The following PLG variants were observed in gnomAD, a reference collection of about 807,000 sequenced individuals.
PLG encodes the protein plasmin.
In PLG, 41 loss-of-function variants were observed where a neutral mutation model predicts 104.4. That is an observed-to-expected ratio of 0.39 (90% CI 0.31 to 0.51). PLG has a LOEUF of 0.51. Ranked by LOEUF, PLG falls within the 20% of genes least tolerant of loss-of-function variation. PLG has a pLI of 0.76. For missense variants in PLG, 891 were observed against 1,003.6 expected (o/e 0.89, Z 1.52); for synonymous variants, 337 against 357.1 (o/e 0.94, Z 0.63).
In PLG at chr6:160,723,314, C is replaced by T. The variant is rs963707779; in HGVS notation, c.1256+747C>T. On this transcript the variant is annotated intron_variant, in intron 10 of 18. Transcript: ENST00000308192. This position sits in a 1 kb window ranked among gnomAD's most constrained non-coding sequence, Gnocchi z 4.7. The stretch of plus-strand genomic sequence containing the variant: ...ACAGCGAAAGAGGCCATTAGATGAA[C>T]AGAAAACCAGGTCTAACAAGGACAG... 6.6e-6 allele frequency among the ~76,000 whole-genome samples: 1 copy of T among 152,064 alleles called. No individual in the cohort carries two copies. The highest frequency in any genetic ancestry group is 2.4e-5 in the African/African-American group (1 of 41,392).
intron 9 of PLG, among the ~76,000 whole-genome samples, chr6:160,721,556 A>C (rs561466916): frequency 6.6e-6 from 1 of 152,336 alleles, no homozygotes; most frequent in African/African-American, 2.4e-5. Context: ...GTTCCTATCC[A>C]TTCCCAGATT....
rs754112260 is a variant in PLG, at chr6:160,731,171, G to A, written c.1377G>A (p.Ala459=). The change falls in exon 11 of 19, where the codon GCG becomes GCA. Residue 459 remains alanine, a synonymous_variant. Coordinates refer to ENST00000308192, the MANE Select transcript of PLG (RefSeq NM_000301.5). The surrounding 1 kb of genome is among the most constrained non-coding windows in gnomAD (Gnocchi z 5.1). ...CNLKKCSGTE[A]SVVAPPPVVL... is the part of the protein sequence containing the mutation. ...TGAAAAAATGCTCAGGAACAGAAGC[G>A]AGTGTTGTAGCACCTCCGCCTGTTG... 1.1e-5 allele frequency: 18 copies of A among 1,614,120 alleles called. No individual in the cohort carries two copies. The South Asian group carries it at 1.2e-4, about 11-fold the overall frequency.
Position 160,731,795 on chromosome 6 carries a change from G to C in PLG, c.1489G>C (p.Val497Leu). The stretch of plus-strand genomic sequence containing the variant: ...ATACCGAGGCAAGAGGGCGACCACT[G>C]TTACTGGGACGCCATGCCAGGACTG... Reference protein sequence around the residue: ...KGYRGKRATTVTGTPCQDWAA... With the variant: ...KGYRGKRATTLTGTPCQDWAA... The change falls in exon 12 of 19, where the codon GTT becomes CTT. Residue 497 changes from valine to leucine, a missense_variant. Coordinates refer to ENST00000308192, the MANE Select transcript of PLG (RefSeq NM_000301.5). The surrounding 1 kb of genome is among the most constrained non-coding windows in gnomAD (Gnocchi z 5.1). 1.2e-6 allele frequency: 2 copies of C among 1,613,668 alleles called. No homozygotes were observed. Among genetic ancestry groups the C allele is most frequent in the Non-Finnish European group, 1.7e-6 (2 of 1,179,606 alleles).
chr6:160,718,305 C>T lies in PLG; in HGVS notation c.799C>T (p.Pro267Ser), dbSNP rs1777775360. The change falls in exon 8 of 19, where the codon CCA becomes TCA. Residue 267 changes from proline to serine, a missense_variant. This residue lies in a region of PLG where 854 missense variants were observed against 932.1 expected (regional missense o/e 0.92). Coordinates refer to ENST00000308192, the MANE Select transcript of PLG (RefSeq NM_000301.5). ...TTTGCCCATTCAAGCAACACCTCCACCATCTTCTGGTCCCACCTACCAGTG... is the reference window on the plus strand; with the variant it reads ...TTTGCCCATTCAAGCAACACCTCCATCATCTTCTGGTCCCACCTACCAGTG... ...CDIPRCTTPPPSSGPTYQCLK... is the reference protein window; with the variant it reads ...CDIPRCTTPPSSSGPTYQCLK... The T allele has an allele frequency of 6.2e-7, 1 of 1,613,712 alleles. No individual in the cohort carries two copies. Among genetic ancestry groups the T allele is most frequent in the Non-Finnish European group, 8.5e-7 (1 of 1,179,572 alleles).
At chr6:160,703,886 G>T (rs1240630707) in intron 1 of PLG, among the ~76,000 whole-genome samples, 1 of 152,220 alleles carries the variant, frequency 6.6e-6, no homozygotes, top group Non-Finnish European at 1.5e-5. Context: ...TGGAAAGCCA[G>T]GTTTTCTGTG....
chr6:160,732,805 C>G lies in PLG; in HGVS notation c.1587+912C>G, dbSNP rs1049009422. On this transcript the variant is annotated intron_variant, in intron 12 of 18. Transcript: ENST00000308192. This position sits in a 1 kb window ranked among gnomAD's most constrained non-coding sequence, Gnocchi z 4.5. ...TGAGAAGGGGCTCAGAGTTTCCATG[C>G]CCTCTCCAGTGCACCAGCCCCCGGT... 3.9e-5 allele frequency among the ~76,000 whole-genome samples: 6 copies of G among 152,160 alleles called. No homozygotes were observed. The highest frequency in any genetic ancestry group is 6.5e-5 in the Admixed American group (1 of 15,282).
chr6:160,739,110 C>G lies in PLG; in HGVS notation c.1920C>G (p.His640Gln), dbSNP rs1487865275. 11 of 1,613,976 alleles carry G rather than the reference C, an allele frequency of 6.8e-6. No homozygotes were observed. The highest frequency in any genetic ancestry group is 1.3e-5 in the African/African-American group (1 of 74,890). The part of the protein sequence containing the change: ...PSSYKVILGA[H>Q]QEVNLEPHVQ... The stretch of plus-strand genomic sequence containing the variant: ...CCTACAAGGTCATCCTGGGTGCACA[C>G]CAAGAAGTGAATCTCGAACCGCATG... The change falls in exon 16 of 19, where the codon CAC becomes CAG. Residue 640 changes from histidine (H) to glutamine (Q), a missense_variant. Coordinates refer to ENST00000308192, the MANE Select transcript of PLG (RefSeq NM_000301.5). The surrounding 1 kb of genome is among the most constrained non-coding windows in gnomAD (Gnocchi z 4.4).
intron 6 of PLG, 109 bp from the exon 7 acceptor site, chr6:160,716,536 G>GCC (rs1777734674): frequency 5.2e-6 from 4 of 767,112 alleles, no homozygotes; most frequent in South Asian, 1.4e-5. Context: ...CCTCCTCCAT[G>GCC]CCCGACTGTG....
chr6:160,731,728 AT>A lies in PLG; in HGVS notation c.1439-11del. On this transcript the variant is annotated splice_polypyrimidine_tract_variant and intron_variant, in intron 11 of 18. Transcript: ENST00000308192. The surrounding 1 kb of genome is among the most constrained non-coding windows in gnomAD (Gnocchi z 5.1). ...TCTCTGTGGCTCTTCATAATCATCC[AT>A]TTTTTCCCTGTACAGACTGTATGTT... 3.7e-6 allele frequency: 6 copies of A among 1,612,548 alleles called. No individual in the cohort carries two copies. Among genetic ancestry groups the A allele is most frequent in the Non-Finnish European group, 4.2e-6 (5 of 1,178,970 alleles).
rs1418553769 is a variant in PLG, at chr6:160,731,597, G to A, written c.1439-148G>A. The A allele has an allele frequency of 1.3e-6, 1 of 760,990 alleles. No individual in the cohort carries two copies. Among genetic ancestry groups the A allele is most frequent in the Non-Finnish European group, 2.3e-6 (1 of 432,286 alleles). 47.1% of individuals were successfully genotyped at this position (760,990 alleles called of 1,614,324 possible). A position where few individuals can be genotyped will look rare whatever the true frequency, so the allele number is the denominator to read the frequency against. On this transcript the variant is annotated intron_variant, in intron 11 of 18. Transcript: ENST00000308192. This position sits in a 1 kb window ranked among gnomAD's most constrained non-coding sequence, Gnocchi z 5.1. Reference sequence around the variant, plus strand: ...CTCCAGTAATTTCTTAAGGTAGGCAGCGTTCATTGCAGTCTTCAGCATTGC... The same window carrying A: ...CTCCAGTAATTTCTTAAGGTAGGCAACGTTCATTGCAGTCTTCAGCATTGC...
chr6:160,742,873 C>A (rs781738898), intron 17 of PLG, among the ~76,000 whole-genome samples: 4 of 152,164 alleles, frequency 2.6e-5, no homozygotes, highest in African/African-American at 7.2e-5. Context: ...TATGGCTAGC[C>A]AGTTACCCCA....
In PLG at chr6:160,723,749, C is replaced by T. The variant is rs1476688433; in HGVS notation, c.1256+1182C>T. On this transcript the variant is annotated intron_variant, in intron 10 of 18. Transcript: ENST00000308192. The surrounding 1 kb of genome is among the most constrained non-coding windows in gnomAD (Gnocchi z 4.7). ...ACAGCTACTGGGGAAAGAAAAACTGCAGGGGAACAGTGAGCTCAATGGAGA... is the reference window on the plus strand; with the variant it reads ...ACAGCTACTGGGGAAAGAAAAACTGTAGGGGAACAGTGAGCTCAATGGAGA... 6.6e-6 allele frequency among the ~76,000 whole-genome samples: 1 copy of T among 152,110 alleles called. No homozygotes were observed. The highest frequency in any genetic ancestry group is 2.4e-5 in the African/African-American group (1 of 41,418).
Position 160,752,789 on chromosome 6 carries a change from T to C in PLG, c.2272-111T>C. 7.5e-7 allele frequency: 1 copy of C among 1,330,934 alleles called. No homozygotes were observed. Among genetic ancestry groups the C allele is most frequent in the Non-Finnish European group, 1.1e-6 (1 of 926,580 alleles). 82.4% of individuals were successfully genotyped at this position (1,330,934 alleles called of 1,614,324 possible). ...TGAGTAATATGCTCATAAGTTCCTT[T>C]CTGATTTCAATTACTGGGAAAATGT... On this transcript the variant is annotated intron_variant, in intron 18 of 18. Coordinates refer to ENST00000308192, the MANE Select transcript of PLG (RefSeq NM_000301.5). The surrounding 1 kb of genome is among the most constrained non-coding windows in gnomAD (Gnocchi z 4.7).
At position 160,740,576 on chromosome 6, in the gene PLG, G is replaced by A. The variant is rs1239645797; in HGVS notation, c.2019-735G>A. Among the ~76,000 whole-genome samples the A allele has an allele frequency of 1.3e-5, 2 of 152,172 alleles. No individual in the cohort carries two copies. The highest frequency in any genetic ancestry group is 4.8e-5 in the African/African-American group (2 of 41,440). ...CTGATGATGCTCAGAAGCAGAAAGT[G>A]TGCCTGCTTCAAAGTTGGTGACGAT... On this transcript the variant is annotated intron_variant, in intron 16 of 18. Coordinates refer to ENST00000308192, the MANE Select transcript of PLG (RefSeq NM_000301.5). This position sits in a 1 kb window ranked among gnomAD's most constrained non-coding sequence, Gnocchi z 5.2.
At chr6:160,715,902 A>G (rs1203739979) in intron 6 of PLG, among the ~76,000 whole-genome samples, 1 of 152,248 alleles carries the variant, frequency 6.6e-6, no homozygotes, top group Non-Finnish European at 1.5e-5. Context: ...AGCATTTACA[A>G]TCAGAGAGGG....
Position 160,711,061 on chromosome 6 carries a change from G to A in PLG, c.293-16G>A. The stretch of plus-strand genomic sequence containing the variant: ...TCTTGTGAAAGACTTTGACCACTGT[G>A]TGGACTTCCCTTCAGTGTATCTCTC... On this transcript the variant is annotated splice_polypyrimidine_tract_variant and intron_variant, in intron 3 of 18. Coordinates refer to ENST00000308192, the MANE Select transcript of PLG (RefSeq NM_000301.5). 1.9e-6 allele frequency: 3 copies of A among 1,612,742 alleles called. No homozygotes were observed. The highest frequency in any genetic ancestry group is 2.5e-6 in the Non-Finnish European group (3 of 1,178,816).
At position 160,723,456 on chromosome 6, in the gene PLG, C is replaced by T. The variant is rs1257783869; in HGVS notation, c.1256+889C>T. 2.6e-5 allele frequency among the ~76,000 whole-genome samples: 4 copies of T among 152,102 alleles called. No homozygotes were observed. The highest frequency in any genetic ancestry group is 4.8e-5 in the African/African-American group (2 of 41,430). On this transcript the variant is annotated intron_variant, in intron 10 of 18. Coordinates refer to ENST00000308192, the MANE Select transcript of PLG (RefSeq NM_000301.5). This position sits in a 1 kb window ranked among gnomAD's most constrained non-coding sequence, Gnocchi z 4.7. ...CAAATGAGATCAACCCAATAACTAC[C>T]TTGGCTTTGTTCCTGGAGACTTCCT...
At position 160,720,617 on chromosome 6, in the gene PLG, G is replaced by A. The variant is rs951080290; in HGVS notation, c.1096+1779G>A. 2.0e-5 allele frequency among the ~76,000 whole-genome samples: 3 copies of A among 151,614 alleles called. 1 individual carries two copies. Among genetic ancestry groups the A allele is most frequent in the African/African-American group, 4.8e-5 (2 of 41,274 alleles). The stretch of plus-strand genomic sequence containing the variant: ...GTATTTTTGGTAGAGACAGAGTTTC[G>A]CCATGTTGGCCAGACTGGTCTCAAA... On this transcript the variant is annotated intron_variant, in intron 9 of 18. Transcript: ENST00000308192.
chr6:160,731,673 A>C lies in PLG; in HGVS notation c.1439-72A>C. 2.8e-6 allele frequency: 4 copies of C among 1,445,670 alleles called. No individual in the cohort carries two copies. The highest frequency in any genetic ancestry group is 3.9e-6 in the Non-Finnish European group (4 of 1,026,928). The allele number at this position is 1,445,670 out of a possible 1,614,324, so 89.6% of individuals were successfully genotyped here. A position where few individuals can be genotyped will look rare whatever the true frequency, so the allele number is the denominator to read the frequency against. Reference sequence around the variant, plus strand: ...TTCTGTCATCCTAGAGAAACCTGACATGACTGTATTGATTCCATATCATCC... The same window carrying C: ...TTCTGTCATCCTAGAGAAACCTGACCTGACTGTATTGATTCCATATCATCC... On this transcript the variant is annotated intron_variant, in intron 11 of 18. Coordinates refer to ENST00000308192, the MANE Select transcript of PLG (RefSeq NM_000301.5). The surrounding 1 kb of genome is among the most constrained non-coding windows in gnomAD (Gnocchi z 5.1).
Sources: allele counts gnomAD v4.1 joint callset (sites outside exome capture counted in the v4.1 genomes callset), GRCh38; gene constraint gnomAD v4.1.1; regional missense constraint gnomAD v4.1.1; non-coding constraint Gnocchi (gnomAD v3.1); transcripts MANE v1.5; gene names NCBI Gene and HGNC (gene_info 2026-07-23, HGNC 2026-07-21).